The following SH3YL1 variants were observed in gnomAD, a reference collection of about 807,000 sequenced individuals.
SH3YL1 encodes SH3 domain-containing YSC84-like protein 1.
Under a neutral mutation model 45.8 loss-of-function variants are expected in SH3YL1, and 41 were observed. The observed-to-expected ratio is 0.89, with a 90% CI of 0.70 to 1.16. The LOEUF is 1.16. Ranked by LOEUF, SH3YL1 falls within the 50% of genes most tolerant of loss-of-function variation. SH3YL1 has a pLI of 0.00. For missense variants in SH3YL1, 389 were observed against 409.6 expected, an observed-to-expected ratio of 0.95 and a Z score of 0.43; for synonymous variants, 152 against 151.4, an observed-to-expected ratio of 1.00 and a Z score of -0.03.
At position 224,912 on chromosome 2, in the gene SH3YL1, T is replaced by A. The variant is rs1558233457; in HGVS notation, c.790A>T (p.Asn264Tyr). 6.2e-7 allele frequency: 1 copy of A among 1,611,070 alleles called. No individual in the cohort carries two copies. The highest frequency in any genetic ancestry group is 8.5e-7 in the Non-Finnish European group (1 of 1,177,238). Residue 264 changes from asparagine to tyrosine, a missense_variant, in exon 9 of 10, where the codon AAT (asparagine) becomes TAT (tyrosine). Transcript: ENST00000356150. Reference sequence around the variant, plus strand: ...AGTCCAGGATAGAGCTTATATTCATTTCTGTTACCTGCCAAAAAAGAGGAG... The same window carrying A: ...AGTCCAGGATAGAGCTTATATTCATATCTGTTACCTGCCAAAAAAGAGGAG... ...QLNSGSQSNR[N>Y]EYKLYPGLSS...
chr2:252,866 A>G (rs921954665), intron 2 of SH3YL1, 139 bp downstream of exon 2: 1 of 596,616 alleles, frequency 1.7e-6, no homozygotes, highest in Admixed American at 3.1e-5. Context: ...ATGAGAAAAA[A>G]GGTGGTGGAA....
intron 4 of SH3YL1, chr2:241,871 T>C (rs1321273103): frequency 1.2e-4 from 19 of 152,124 alleles, no homozygotes; most frequent in Admixed American, 1.2e-3. Flanking sequence ...AATTTGTTGC[T>C]AGTAGAACCA....
intron 2 of SH3YL1, 59 bp from the exon 3 acceptor site, chr2:249,903 G>A (rs1344598380): frequency 1.4e-5 from 16 of 1,177,912 alleles, no homozygotes; most frequent in African/African-American, 6.1e-5. Flanking sequence ...CTGGATAGAC[G>A]AGCAAGTGTT....
intron 4 of SH3YL1, chr2:239,898 A>G (rs115583239): frequency 7.9e-4 from 120 of 152,402 alleles, no homozygotes; most frequent in African/African-American, 2.8e-3. Context: ...AGAGTTGGTG[A>G]CATTTGAGCT....
chr2:229,257 T>C (rs1667924119), intron 8 of SH3YL1, among the ~76,000 whole-genome samples: 1 of 152,164 alleles, frequency 6.6e-6, no homozygotes, highest in South Asian at 2.1e-4. Context: ...TATGAGATCC[T>C]GAGCTCCAAA....
chr2:248,567 G>T (rs1158767313), intron 3 of SH3YL1, among the ~76,000 whole-genome samples: 1 of 152,166 alleles, frequency 6.6e-6, no homozygotes, highest in Non-Finnish European at 1.5e-5. Context: ...AGAAGGGAGA[G>T]AAATGTAGGT....
At position 234,160 on chromosome 2, in the gene SH3YL1, C is replaced by CT; in HGVS notation, c.403dup (p.Arg135LysfsTer37). On this transcript the variant is annotated frameshift_variant and splice_region_variant, in exon 5 of 10. Coordinates refer to ENST00000356150, the MANE Select transcript of SH3YL1 (RefSeq NM_015677.4). LOFTEE classifies it high-confidence loss of function. The stretch of plus-strand genomic sequence containing the variant: ...TCTAACATCTATTTAAAGAACTCAC[C>CT]TTCCCAAGGGCCCAACCGCCACAGT... 6.2e-7 allele frequency: 1 copy of CT among 1,609,284 alleles called. No homozygotes were observed. Among genetic ancestry groups the CT allele is most frequent in the Non-Finnish European group, 8.5e-7 (1 of 1,178,172 alleles).
chr2:222,637 G>T (rs1667626368), intron 9 of SH3YL1: 1 of 152,276 alleles, frequency 6.6e-6, no homozygotes, highest in Non-Finnish European at 1.5e-5. Flanking sequence ...CTAGAGGGAA[G>T]ATCAGAAAAT....
chr2:232,910 C>T, intron 6 of SH3YL1, 191 bp downstream of exon 6: 1 of 388,900 alleles, frequency 2.6e-6, no homozygotes. Flanking sequence ...TTTTTTATTT[C>T]TTTTTCATGT....
chr2:231,449 CATT>C (rs574408593), intron 6 of SH3YL1, among the ~76,000 whole-genome samples: 20 of 152,266 alleles, frequency 1.3e-4, no homozygotes, highest in African/African-American at 4.8e-4. Flanking sequence ...AGCACATCCA[CATT>C]ATCATGGAAA....
intron 4 of SH3YL1, among the ~76,000 whole-genome samples, chr2:246,057 T>C (rs1227391377): frequency 6.6e-6 from 1 of 151,648 alleles, no homozygotes; most frequent in African/African-American, 2.4e-5. Flanking sequence ...TAGCTGGGTG[T>C]GGTGGTGCAC....
In SH3YL1 at chr2:253,071, C is replaced by T; in HGVS notation, c.46G>A (p.Ala16Thr). 9.0e-6 allele frequency: 14 copies of T among 1,550,084 alleles called. No individual in the cohort carries two copies. The highest frequency in any genetic ancestry group is 1.2e-5 in the Non-Finnish European group (14 of 1,145,758). ...GTGAATTCTCTTAATATTTTGGCAG[C>T]CTTTTTTGCTTCTGATTTCAAATTG... ...PSNLKSEAKKAAKILREFTEI... is the reference protein window; with the variant it reads ...PSNLKSEAKKTAKILREFTEI... The change falls in exon 2 of 10, where the codon GCT (alanine) becomes ACT (threonine). Residue 16 changes from alanine to threonine, a missense_variant. Transcript: ENST00000356150.
intron 9 of SH3YL1, among the ~76,000 whole-genome samples, chr2:220,134 C>T (rs960687347): frequency 6.7e-6 from 1 of 150,196 alleles, no homozygotes; most frequent in Non-Finnish European, 1.5e-5. Context: ...TACAGACATA[C>T]AGAAAACATC....
intron 7 of SH3YL1, 122 bp downstream of exon 7, chr2:230,901 T>C (rs1668003740): frequency 6.9e-6 from 6 of 872,836 alleles, no homozygotes; most frequent in African/African-American, 6.7e-5. Flanking sequence ...CACAAGAATG[T>C]GAAGTCAGTG....
In SH3YL1 at chr2:249,720, C is replaced by G; in HGVS notation, c.226+11G>C. 2 of 1,538,926 alleles carry G rather than the reference C, an allele frequency of 1.3e-6. No individual in the cohort carries two copies. Among genetic ancestry groups the G allele is most frequent in the Non-Finnish European group, 8.8e-7 (1 of 1,135,402 alleles). ...AAGACTCTCTACTCCAGTGAACAGACGCCAACTTACTTCCATCTGGAAGGC... is the reference window on the plus strand; with the variant it reads ...AAGACTCTCTACTCCAGTGAACAGAGGCCAACTTACTTCCATCTGGAAGGC... On this transcript the variant is annotated intron_variant, in intron 3 of 9. Coordinates refer to ENST00000356150, the MANE Select transcript of SH3YL1 (RefSeq NM_015677.4).
intron 4 of SH3YL1, among the ~76,000 whole-genome samples, chr2:235,161 C>A (rs1315576578): frequency 1.3e-5 from 2 of 152,220 alleles, no homozygotes; most frequent in Non-Finnish European, 2.9e-5. Flanking sequence ...CAGGCGTGAG[C>A]CACTGAGCCC....
At chr2:223,753 T>C (rs1481897530) in intron 9 of SH3YL1, among the ~76,000 whole-genome samples, 2 of 152,206 alleles carry the variant, frequency 1.3e-5, no homozygotes, top group African/African-American at 2.4e-5. Flanking sequence ...TTTCTCTGCA[T>C]ACCTAAGACC....
chr2:218,804 A>G lies in SH3YL1; in HGVS notation c.*7T>C, dbSNP rs1489835827. ...TGTAATTCTCAAAGAAGAAAATAGT[A>G]TACGCTTTAATTCATGGTTACGTAG... On this transcript the variant is annotated 3_prime_UTR_variant, in exon 10 of 10. Coordinates refer to ENST00000356150, the MANE Select transcript of SH3YL1 (RefSeq NM_015677.4). The G allele has an allele frequency of 6.2e-7, 1 of 1,602,194 alleles. No individual in the cohort carries two copies. Among genetic ancestry groups the G allele is most frequent in the Non-Finnish European group, 8.5e-7 (1 of 1,172,824 alleles).
intron 4 of SH3YL1, chr2:243,708 G>C (rs1471904746): frequency 2.2e-6 from 2 of 895,006 alleles, no homozygotes; most frequent in Non-Finnish European, 3.3e-6. Context: ...TTCCCCGGAA[G>C]AACATTTGCT....
Sources: allele counts gnomAD v4.1 joint callset (sites outside exome capture counted in the v4.1 genomes callset), GRCh38; gene constraint gnomAD v4.1.1; transcripts MANE v1.5; gene names NCBI Gene and HGNC (gene_info 2026-07-23, HGNC 2026-07-21).